The following TMEM108 variants were observed in gnomAD, a reference collection of about 807,000 sequenced individuals.
The protein encoded by TMEM108 is cancer/testis antigen 124.
TMEM108 carries 12 observed loss-of-function variants against 35.1 expected under a neutral mutation model. The ratio of observed to expected loss-of-function variants is 0.34; its 90% CI spans 0.22 to 0.55. The LOEUF (loss-of-function observed/expected upper bound fraction) is 0.55, where lower values mean the gene tolerates loss of function less well. Among genes scored for constraint, TMEM108 ranks in the 20% least tolerant of loss-of-function variants. The probability of loss-of-function intolerance (pLI) is 0.89; values close to 1 mark genes in which losing one functional copy is unlikely to be tolerated. For synonymous variants in TMEM108, 287 were observed against 308.6 expected, an observed-to-expected ratio of 0.93 and a Z score of 0.73; for missense variants, 680 against 753.3, an observed-to-expected ratio of 0.90 and a Z score of 1.14.
chr3:133,178,272 C>G (rs1436178300), intron 2 of TMEM108, among the ~76,000 whole-genome samples: 1 of 152,214 alleles, frequency 6.6e-6, no homozygotes, highest in Non-Finnish European at 1.5e-5. Context: ...CCATCCCCAT[C>G]AAGCTGCCAA....
chr3:133,078,078 A>G (rs1434906378), intron 2 of TMEM108, among the ~76,000 whole-genome samples: 2 of 151,758 alleles, frequency 1.3e-5, no homozygotes, highest in African/African-American at 4.8e-5. Context: ...AGGGATGGCA[A>G]AATGGGGCAA....
At chr3:133,338,732 A>G (rs550668889) in intron 3 of TMEM108, among the ~76,000 whole-genome samples, 61 of 152,256 alleles carry the variant, frequency 4.0e-4, no homozygotes, top group African/African-American at 1.5e-3. Flanking sequence ...CCAATCAAAA[A>G]TAATAACCAC....
chr3:133,154,838 G>A (rs1944855638), intron 2 of TMEM108, among the ~76,000 whole-genome samples: 1 of 151,988 alleles, frequency 6.6e-6, no homozygotes, highest in Non-Finnish European at 1.5e-5. Flanking sequence ...TTGTGTACAT[G>A]TACTGTAAAA....
At chr3:133,376,837 G>T (rs760816699) in intron 3 of TMEM108, among the ~76,000 whole-genome samples, 28 of 152,252 alleles carry the variant, frequency 1.8e-4, no homozygotes, top group Admixed American at 6.5e-4. Context: ...CTTTTTCAGA[G>T]GATCTCTTAA....
chr3:133,070,769 G>GTGTGTT (rs1235432463), intron 2 of TMEM108, among the ~76,000 whole-genome samples: 1 of 151,530 alleles, frequency 6.6e-6, no homozygotes, highest in African/African-American at 2.4e-5. Context: ...GTGTGTGTGT[G>GTGTGTT]TGTATCTGTG....
rs375839570 is a variant in TMEM108, at chr3:133,304,712, A to G, written c.41-75040A>G. Among the ~76,000 whole-genome samples, 36 of 152,240 alleles carry G rather than the reference A, an allele frequency of 2.4e-4. 1 individual carries two copies. The East Asian group carries it at 3.5e-3, about 15-fold the overall frequency. On this transcript the variant is annotated intron_variant, in intron 3 of 5. Transcript: ENST00000321871. ...TTTTATTGTGTAATAATATTCCATC[A>G]TAAGGATACGCCACAATTTGTTCAC...
intron 2 of TMEM108, among the ~76,000 whole-genome samples, chr3:133,200,255 G>T (rs970332532): frequency 6.6e-6 from 1 of 152,154 alleles, no homozygotes; most frequent in Non-Finnish European, 1.5e-5. Flanking sequence ...CTTATGCTCG[G>T]TAGGCTGCAC....
At chr3:133,300,381 C>A (rs1181099059) in intron 3 of TMEM108, among the ~76,000 whole-genome samples, 1 of 152,072 alleles carries the variant, frequency 6.6e-6, no homozygotes, top group Non-Finnish European at 1.5e-5. Context: ...AGGTTTATCA[C>A]CCCACCCCTG....
intron 2 of TMEM108, among the ~76,000 whole-genome samples, chr3:133,113,009 G>A (rs905728830): frequency 2.0e-5 from 3 of 152,204 alleles, no homozygotes; most frequent in East Asian, 3.9e-4. Context: ...TAAAGAACAC[G>A]TAAGAAAGAC....
intron 3 of TMEM108, chr3:133,378,597 C>A: frequency 2.1e-6 from 2 of 959,726 alleles, no homozygotes; most frequent in Non-Finnish European, 2.5e-6. Flanking sequence ...CCTTCCTCAG[C>A]CGTAGAGACA....
intron 2 of TMEM108, among the ~76,000 whole-genome samples, chr3:133,081,220 A>G (rs1042969901): frequency 6.6e-6 from 1 of 152,176 alleles, no homozygotes; most frequent in African/African-American, 2.4e-5. Context: ...TGACAAGAGA[A>G]ATTTGTTTTC....
At chr3:133,178,904 T>G (rs1191668497) in intron 2 of TMEM108, among the ~76,000 whole-genome samples, 1 of 152,124 alleles carries the variant, frequency 6.6e-6, no homozygotes, top group Non-Finnish European at 1.5e-5. Context: ...TTTTGCAATC[T>G]ACTCATCTGA....
At chr3:133,344,350 A>G (rs2107753956) in intron 3 of TMEM108, among the ~76,000 whole-genome samples, 1 of 151,958 alleles carries the variant, frequency 6.6e-6, no homozygotes, top group Non-Finnish European at 1.5e-5. Context: ...ACATCAGTCC[A>G]AAAACTACAT....
intron 2 of TMEM108, among the ~76,000 whole-genome samples, chr3:133,087,643 C>A (rs184770477): frequency 6.6e-6 from 1 of 152,306 alleles, no homozygotes; most frequent in East Asian, 1.9e-4. Context: ...GACCATACTA[C>A]CTGTCTCAGG....
intron 2 of TMEM108, among the ~76,000 whole-genome samples, chr3:133,226,692 G>T (rs932632088): frequency 6.6e-6 from 1 of 152,054 alleles, no homozygotes; most frequent in South Asian, 2.1e-4. Flanking sequence ...CAGTCAGTTG[G>T]GGTGCTTAGA....
intron 4 of TMEM108, among the ~76,000 whole-genome samples, chr3:133,382,242 C>G (rs1368192837): frequency 2.6e-5 from 4 of 152,248 alleles, no homozygotes; most frequent in Non-Finnish European, 5.9e-5. Flanking sequence ...CCATTCTCCT[C>G]TGACCCTCCA....
chr3:133,181,195 G>T (rs1035492315), intron 2 of TMEM108, among the ~76,000 whole-genome samples: 2 of 152,028 alleles, frequency 1.3e-5, no homozygotes, highest in African/African-American at 2.4e-5. Context: ...GCATAGGAAG[G>T]TGATAATTCC....
intron 2 of TMEM108, among the ~76,000 whole-genome samples, chr3:133,193,576 C>T (rs1409480740): frequency 6.6e-6 from 1 of 152,090 alleles, no homozygotes; most frequent in Admixed American, 6.5e-5. Context: ...ATTGCCGATA[C>T]CTATTTTATG....
At chr3:133,202,774 G>A (rs983798988) in intron 2 of TMEM108, among the ~76,000 whole-genome samples, 3 of 152,080 alleles carry the variant, frequency 2.0e-5, no homozygotes, top group African/African-American at 7.2e-5. Flanking sequence ...TTGGCAATGT[G>A]GGCTCTTTTT....
Sources: allele counts gnomAD v4.1 joint callset (sites outside exome capture counted in the v4.1 genomes callset), GRCh38; gene constraint gnomAD v4.1.1; transcripts MANE v1.5; gene names NCBI Gene and HGNC (gene_info 2026-07-23, HGNC 2026-07-21).